Variants in VPS13A observed in about 807,000 individuals in gnomAD.
VPS13A encodes the protein intermembrane lipid transfer protein VPS13A.
A neutral mutation model predicts 390.9 loss-of-function variants in VPS13A; 264 were observed. That is an observed-to-expected ratio of 0.68 (90% CI 0.61 to 0.75). The LOEUF (loss-of-function observed/expected upper bound fraction) is 0.75, where lower values mean the gene tolerates loss of function less well. Ranked by LOEUF, VPS13A falls within the 30% of genes least tolerant of loss-of-function variation. The probability of loss-of-function intolerance (pLI) is 0.00; values close to 1 mark genes in which losing one functional copy is unlikely to be tolerated. For missense variants in VPS13A, 3,409 were observed against 3,733.9 expected (o/e 0.91, Z 2.27); for synonymous variants, 1,231 against 1,227.1 (o/e 1.00, Z -0.07).
intron 23 of VPS13A, among the ~76,000 whole-genome samples, chr9:77,273,040 A>T (rs941359517): frequency 6.6e-6 from 1 of 152,320 alleles, no homozygotes; most frequent in East Asian, 1.9e-4. Context: ...AAAGCCTGTC[A>T]TCAAGGACAT....
At chr9:77,339,492 T>TG in intron 47 of VPS13A, 24 bp from the exon 48 acceptor site, 2 of 1,410,206 alleles carry the variant, frequency 1.4e-6, no homozygotes, top group South Asian at 2.8e-5. Context: ...AAATTTTGTT[T>TG]TGTTTTTTTT....
intron 68 of VPS13A, among the ~76,000 whole-genome samples, chr9:77,402,601 A>C (rs956279113): frequency 6.6e-6 from 1 of 151,796 alleles, no homozygotes; most frequent in Admixed American, 6.6e-5. Context: ...GGTAAATCTT[A>C]TTTTGTTCAT....
At chr9:77,401,330 TGTGTG>T (rs1277414520) in intron 68 of VPS13A, among the ~76,000 whole-genome samples, 38 of 4,136 alleles carry the variant, frequency 9.2e-3, no homozygotes, top group South Asian at 0.018. Context: ...CACATGAAGT[TGTGTG>T]TGTGTGTGTG....
chr9:77,382,481 T>A (rs755208893), intron 68 of VPS13A: 1 of 1,327,376 alleles, frequency 7.5e-7, no homozygotes, highest in Non-Finnish European at 9.6e-7. Flanking sequence ...TGCACTGGAT[T>A]TGCTAGATTT....
At chr9:77,314,419 T>C in intron 36 of VPS13A, 76 bp from the exon 37 acceptor site, 2 of 1,420,520 alleles carry the variant, frequency 1.4e-6, no homozygotes, top group Non-Finnish European at 2.0e-6. Flanking sequence ...GGCAATAATT[T>C]GTAGTAGTTC....
chr9:77,350,810 A>G (rs1831421382), intron 52 of VPS13A: 1 of 168,958 alleles, frequency 5.9e-6, no homozygotes, highest in African/African-American at 2.4e-5. Context: ...CAGAAGAGCT[A>G]TATTTTATTA....
At chr9:77,347,629 A>G (rs954854177) in intron 52 of VPS13A, among the ~76,000 whole-genome samples, 1 of 152,100 alleles carries the variant, frequency 6.6e-6, no homozygotes, top group African/African-American at 2.4e-5. Context: ...GGCATGTGCC[A>G]CCATGCCTAA....
At chr9:77,363,894 G>T (rs1019160358) in intron 59 of VPS13A, among the ~76,000 whole-genome samples, 2 of 152,164 alleles carry the variant, frequency 1.3e-5, no homozygotes, top group African/African-American at 4.8e-5. Flanking sequence ...CCAGGCCTCT[G>T]AAGCTGGCGG....
Position 77,380,979 on chromosome 9 carries a change from G to A in VPS13A, c.9078-997G>A, listed in dbSNP as rs1027367802. Among the ~76,000 whole-genome samples the A allele has an allele frequency of 5.9e-5, 9 of 152,158 alleles. 1 individual carries two copies. Among genetic ancestry groups the A allele is most frequent in the Admixed American group, 1.3e-4 (2 of 15,282 alleles). The stretch of plus-strand genomic sequence containing the variant: ...CTCAGTTCCTAACAGGCTATGGACC[G>A]GTACTGGTTCAAGTCCCATGGGTTG... On this transcript the variant is annotated intron_variant, in intron 67 of 71. Coordinates refer to ENST00000360280, the MANE Select transcript of VPS13A (RefSeq NM_033305.3).
Position 77,312,415 on chromosome 9 carries a change from T to C in VPS13A, c.4115-1577T>C, listed in dbSNP as rs116386234. 8.7e-3 allele frequency among the ~76,000 whole-genome samples: 1,295 copies of C among 149,364 alleles called. 22 individuals are homozygous for C. Among genetic ancestry groups the C allele is most frequent in the African/African-American group, 0.03 (1,247 of 41,214 alleles). ...TGGGCAGTGAACACATGAAAACTTGTTCATATAATTTTTTTTTTTTTTCTT... is the reference window on the plus strand; with the variant it reads ...TGGGCAGTGAACACATGAAAACTTGCTCATATAATTTTTTTTTTTTTTCTT... On this transcript the variant is annotated intron_variant, in intron 35 of 71. Transcript: ENST00000360280.
intron 12 of VPS13A, among the ~76,000 whole-genome samples, chr9:77,220,609 C>G (rs1823154023): frequency 6.6e-6 from 1 of 151,980 alleles, no homozygotes; most frequent in African/African-American, 2.4e-5. Flanking sequence ...TGCTCGAATA[C>G]CATAGTTTTC....
chr9:77,343,194 A>G (rs1249202657), intron 50 of VPS13A, among the ~76,000 whole-genome samples: 1 of 152,186 alleles, frequency 6.6e-6, no homozygotes. Flanking sequence ...CTAGGAATGC[A>G]GACATGGATA....
chr9:77,308,000 T>C lies in VPS13A; in HGVS notation c.4016T>C (p.Ile1339Thr), dbSNP rs776341990. 2.5e-6 allele frequency: 4 copies of C among 1,606,478 alleles called. No individual in the cohort carries two copies. In the East Asian group the frequency reaches 6.7e-5, roughly 27 times the overall value. ...TTIFKTLHGN[I>T]WYEKDGSASP... ...ATTTTTAAAACATTGCATGGCAATA[T>C]ATGGTATGAAAAAGATGGTAGTGCC... Residue 1339 changes from isoleucine (I) to threonine (T), a missense_variant, in exon 35 of 72, where the codon ATA becomes ACA. Coordinates refer to ENST00000360280, the MANE Select transcript of VPS13A (RefSeq NM_033305.3).
At position 77,340,393 on chromosome 9, in the gene VPS13A, T is replaced by G. The variant is rs1268178711; in HGVS notation, c.6880-11T>G. The G allele has an allele frequency of 2.5e-6, 4 of 1,612,988 alleles. No individual in the cohort carries two copies. Among genetic ancestry groups the G allele is most frequent in the Non-Finnish European group, 3.4e-6 (4 of 1,179,532 alleles). On this transcript the variant is annotated splice_polypyrimidine_tract_variant and intron_variant, in intron 49 of 71. Transcript: ENST00000360280. ...ATAACAGTTTTTGAGCTGTTAATTT[T>G]TTTTTCTTAGGTTGGTGTCACTATA...
chr9:77,303,850 GT>G (rs1440051577), intron 34 of VPS13A, among the ~76,000 whole-genome samples: 1 of 152,138 alleles, frequency 6.6e-6, no homozygotes, highest in African/African-American at 2.4e-5. Context: ...CCATAGGGCG[GT>G]TTTTCTCCTA....
chr9:77,306,725 G>C (rs1004524165), intron 34 of VPS13A, among the ~76,000 whole-genome samples: 8 of 152,064 alleles, frequency 5.3e-5, no homozygotes, highest in Admixed American at 3.9e-4. Context: ...AGAGTCTAGA[G>C]ATTTAAATAT....
At chr9:77,294,113 G>T (rs1827838060) in intron 32 of VPS13A, among the ~76,000 whole-genome samples, 1 of 151,772 alleles carries the variant, frequency 6.6e-6, no homozygotes, top group Admixed American at 6.6e-5. Context: ...TAGAGATGGG[G>T]TCTTACTCTG....
chr9:77,275,626 T>G lies in VPS13A; in HGVS notation c.2641T>G (p.Phe881Val). 1 of 1,613,588 alleles carries G rather than the reference T, an allele frequency of 6.2e-7. No individual in the cohort carries two copies. The change falls in exon 25 of 72, where the codon TTT (phenylalanine) becomes GTT (valine). Residue 881 changes from phenylalanine to valine, a missense_variant. Phe to Val is a conservative substitution (Grantham distance 50). This residue lies in a region of VPS13A where 2,717 missense variants were observed against 2,917.4 expected (regional missense o/e 0.93). Transcript: ENST00000360280. ...KQDCSVNMTTFKIRFEVPKVL... is the reference protein window; with the variant it reads ...KQDCSVNMTTVKIRFEVPKVL... ...GGATTGTTCAGTAAATATGACTACA[T>G]TTAAAATAAGATTTGAAGTACCAAA...
At chr9:77,383,339 AGGT>A (rs1481837527) in intron 68 of VPS13A, among the ~76,000 whole-genome samples, 1 of 152,038 alleles carries the variant, frequency 6.6e-6, no homozygotes, top group African/African-American at 2.4e-5. Flanking sequence ...ATCTATTAAG[AGGT>A]TGTGCTCTAA....
Sources: allele counts gnomAD v4.1 joint callset (sites outside exome capture counted in the v4.1 genomes callset), GRCh38; gene constraint gnomAD v4.1.1; regional missense constraint gnomAD v4.1.1; transcripts MANE v1.5; gene names NCBI Gene and HGNC (gene_info 2026-07-23, HGNC 2026-07-21).